PIP4P2: variants seen among roughly 807,000 people sequenced by gnomAD.
PIP4P2 encodes type 2 phosphatidylinositol 4,5-bisphosphate 4-phosphatase.
PIP4P2 carries 19 observed loss-of-function variants against 33.3 expected under a neutral mutation model. That is an observed-to-expected ratio of 0.57 (90% CI 0.40 to 0.84). The LOEUF (loss-of-function observed/expected upper bound fraction) is 0.84. Among genes scored for constraint, PIP4P2 ranks in the 40% least tolerant of loss-of-function variants. The pLI, the probability that PIP4P2 is intolerant of heterozygous loss-of-function variation, is 0.00. For missense variants in PIP4P2, 270 were observed against 324.7 expected (o/e 0.83, Z 1.29); for synonymous variants, 110 against 111.9 (o/e 0.98, Z 0.11).
intron 1 of PIP4P2, among the ~76,000 whole-genome samples, chr8:91,028,220 G>GA (rs377670165): frequency 6.6e-6 from 1 of 152,024 alleles, no homozygotes; most frequent in Non-Finnish European, 1.5e-5. Context: ...GTATATCTTA[G>GA]AAAAAACTCT....
At chr8:91,030,940 C>T (rs1319138786) in intron 1 of PIP4P2, among the ~76,000 whole-genome samples, 1 of 152,188 alleles carries the variant, frequency 6.6e-6, no homozygotes, top group Non-Finnish European at 1.5e-5. Flanking sequence ...TTCTTTGGCA[C>T]TGCTCCCATT....
At position 90,995,165 on chromosome 8, in the gene PIP4P2, C is replaced by G. The variant is rs2130344309; in HGVS notation, c.*512G>C. 1 of 117,992 alleles carries G rather than the reference C, an allele frequency of 8.5e-6. No homozygotes were observed. The highest frequency in any genetic ancestry group is 4.6e-3 in the Middle Eastern group (1 of 218). The allele number at this position is 117,992 out of a possible 1,614,324, so 7.3% of individuals were successfully genotyped here. Reference sequence around the variant, plus strand: ...AGAATGTCAAGTCTTTGAAGTTACACTAAATTTTTTTTTTTTTCCTGAATA... The same window carrying G: ...AGAATGTCAAGTCTTTGAAGTTACAGTAAATTTTTTTTTTTTTCCTGAATA... On this transcript the variant is annotated 3_prime_UTR_variant, in exon 7 of 7. Coordinates refer to ENST00000285419, the MANE Select transcript of PIP4P2 (RefSeq NM_018710.3).
intron 3 of PIP4P2, chr8:91,018,732 T>C (rs1811956053): frequency 3.8e-6 from 2 of 532,160 alleles, no homozygotes; most frequent in Non-Finnish European, 6.5e-6. Context: ...TATTATAGCA[T>C]TGGTCCTAAT....
chr8:91,022,202 G>A (rs184902797), intron 1 of PIP4P2, among the ~76,000 whole-genome samples: 30 of 152,226 alleles, frequency 2.0e-4, no homozygotes, highest in Admixed American at 4.6e-4. Context: ...GATAACTGAT[G>A]AATATAATGA....
intron 5 of PIP4P2, among the ~76,000 whole-genome samples, chr8:91,004,104 G>A (rs1811737174): frequency 6.6e-6 from 1 of 152,120 alleles, no homozygotes; most frequent in African/African-American, 2.4e-5. Flanking sequence ...AAGAGTCCCT[G>A]GACTGTTGGC....
Position 91,020,209 on chromosome 8 carries a change from G to T in PIP4P2, c.310C>A (p.Leu104Ile). The T allele has an allele frequency of 3.1e-6, 5 of 1,613,810 alleles. No homozygotes were observed. The highest frequency in any genetic ancestry group is 4.2e-6 in the Non-Finnish European group (5 of 1,179,816). The change falls in exon 3 of 7, where the codon CTT (leucine) becomes ATT (isoleucine). Residue 104 changes from leucine (L) to isoleucine (I), a missense_variant. Transcript: ENST00000285419. ...CGAGATGTGTCCTTACAAATGAGAAGACAATTACAAGGGCATCTAACATAT... is the reference window on the plus strand; with the variant it reads ...CGAGATGTGTCCTTACAAATGAGAATACAATTACAAGGGCATCTAACATAT... ...KKYVRCPCNC[L>I]LICKDTSRRI...
chr8:91,020,653 T>C (rs1811995651), intron 2 of PIP4P2, among the ~76,000 whole-genome samples: 1 of 152,200 alleles, frequency 6.6e-6, no homozygotes, highest in Non-Finnish European at 1.5e-5. Flanking sequence ...AAAATACTGC[T>C]GAAAATTTAG....
intron 1 of PIP4P2, among the ~76,000 whole-genome samples, chr8:91,035,982 G>A (rs1368328297): frequency 1.3e-5 from 2 of 151,782 alleles, no homozygotes; most frequent in African/African-American, 2.4e-5. Flanking sequence ...ACTGCACTCC[G>A]GCCTGAGCAA....
intron 6 of PIP4P2, among the ~76,000 whole-genome samples, 162 bp from the exon 7 acceptor site, chr8:90,995,982 G>C (rs1380058186): frequency 1.3e-5 from 2 of 152,094 alleles, no homozygotes; most frequent in African/African-American, 4.8e-5. Context: ...GCAACTGATA[G>C]ACCATACTGC....
Position 91,026,220 on chromosome 8 carries a change from T to C in PIP4P2, c.107-4816A>G, listed in dbSNP as rs569751959. On this transcript the variant is annotated intron_variant, in intron 1 of 6. Coordinates refer to ENST00000285419, the MANE Select transcript of PIP4P2 (RefSeq NM_018710.3). ...TTATTCCTTCTATTTGTTACCTGTT[T>C]GCTCCCAATCTGCTTGCTGTTTCTC... Among the ~76,000 whole-genome samples, 9 of 152,292 alleles carry C rather than the reference T, an allele frequency of 5.9e-5. No homozygotes were observed. The South Asian group carries it at 1.7e-3, about 28-fold the overall frequency.
intron 1 of PIP4P2, among the ~76,000 whole-genome samples, chr8:91,025,625 A>C (rs1337519824): frequency 2.0e-5 from 3 of 152,214 alleles, no homozygotes; most frequent in African/African-American, 7.2e-5. Flanking sequence ...GCAGCCCTTC[A>C]GGCTCTTGAC....
At chr8:91,006,012 TTTCC>T (rs1268186041) in intron 5 of PIP4P2, among the ~76,000 whole-genome samples, 3 of 152,202 alleles carry the variant, frequency 2.0e-5, no homozygotes, top group African/African-American at 4.8e-5. Context: ...TAGGGGAAGC[TTTCC>T]CCATACATTT....
chr8:91,032,792 A>T, intron 1 of PIP4P2, among the ~76,000 whole-genome samples: 1 of 151,848 alleles, frequency 6.6e-6, no homozygotes, highest in Admixed American at 6.6e-5. Context: ...AAAAAAAAAA[A>T]AAAAAAAAAG....
In PIP4P2 at chr8:91,040,756, G is replaced by A. The variant is rs1261573528; in HGVS notation, c.-7C>T. On this transcript the variant is annotated 5_prime_UTR_variant, in exon 1 of 7. Transcript: ENST00000285419. ...CCACCCCATCAGCAGCCATGACTGCGGCAGCGGCGGGGCCTGGGGAGGCCG... is the reference window on the plus strand; with the variant it reads ...CCACCCCATCAGCAGCCATGACTGCAGCAGCGGCGGGGCCTGGGGAGGCCG... The A allele has an allele frequency of 1.9e-6, 3 of 1,611,256 alleles. No individual in the cohort carries two copies. Among genetic ancestry groups the A allele is most frequent in the South Asian group, 1.1e-5 (1 of 90,990 alleles).
intron 3 of PIP4P2, among the ~76,000 whole-genome samples, chr8:91,019,445 G>C (rs1439762330): frequency 6.8e-6 from 1 of 147,446 alleles, no homozygotes; most frequent in Non-Finnish European, 1.5e-5. Flanking sequence ...GGGAGTGGTG[G>C]TGTGTGCTTG....
At chr8:91,000,242 T>G (rs1275019702) in intron 5 of PIP4P2, among the ~76,000 whole-genome samples, 1 of 151,998 alleles carries the variant, frequency 6.6e-6, no homozygotes, top group Non-Finnish European at 1.5e-5. Flanking sequence ...TTCTCAAAAC[T>G]TATTAGCATT....
intron 1 of PIP4P2, among the ~76,000 whole-genome samples, chr8:91,036,211 TAGTCCTAAGAAACG>T (rs1812229592): frequency 6.6e-6 from 1 of 151,836 alleles, no homozygotes; most frequent in Non-Finnish European, 1.5e-5. Context: ...CCCCGTTTCT[TAGTCCTAAGAAACG>T]AGGACTAAGA....
rs1307849215 is a variant in PIP4P2, at chr8:90,995,665, T to C, written c.*12A>G. ...AGACACTCTCACCTGCATTACTGAA[T>C]CATAAACAAGCTTATGCAAAACTGT... On this transcript the variant is annotated 3_prime_UTR_variant, in exon 7 of 7. Transcript: ENST00000285419. The C allele has an allele frequency of 1.2e-6, 2 of 1,605,570 alleles. No homozygotes were observed. The highest frequency in any genetic ancestry group is 1.7e-6 in the Non-Finnish European group (2 of 1,177,242).
chr8:91,015,600 T>G (rs1298995485), intron 4 of PIP4P2, among the ~76,000 whole-genome samples: 3 of 152,180 alleles, frequency 2.0e-5, no homozygotes, highest in African/African-American at 7.2e-5. Flanking sequence ...AAATAGCACT[T>G]GGACATAAAT....
Sources: gnomAD v4.1 joint callset for allele counts (sites outside exome capture counted in the v4.1 genomes callset) on GRCh38, gnomAD v4.1.1 for gene constraint, MANE v1.5 for transcripts, NCBI Gene and HGNC (gene_info 2026-07-23, HGNC 2026-07-21) for gene names.